SPAST: variants seen among roughly 807,000 people sequenced by gnomAD.
The protein encoded by SPAST is spastin.
In SPAST, 30 loss-of-function variants were observed where a neutral mutation model predicts 76.6. The observed-to-expected ratio is 0.39, with a 90% confidence interval of 0.29 to 0.53. The LOEUF (loss-of-function observed/expected upper bound fraction) is 0.53. SPAST is among the 20% of genes least tolerant of loss of function. The pLI is 0.68. For synonymous variants in SPAST, 305 were observed against 281.0 expected (o/e 1.09, Z -0.86); for missense variants, 717 against 770.5 (o/e 0.93, Z 0.82).
Position 32,136,635 on chromosome 2 carries a change from A to G in SPAST, c.1318A>G (p.Ile440Val). 1 of 1,609,872 alleles carries G rather than the reference A, an allele frequency of 6.2e-7. No individual in the cohort carries two copies. Among genetic ancestry groups the G allele is most frequent in the Non-Finnish European group, 8.5e-7 (1 of 1,176,324 alleles). ...AGAACTTCAACCTTCTATAATTTTT[A>G]TAGGTAAGAACATATTTTCCAACTA... ...ARELQPSIIF[I>V]DEVDSLLCER... Residue 440 changes from isoleucine to valine, a missense_variant, in exon 10 of 17, where the codon ATA becomes GTA. Transcript: ENST00000315285.
intron 3 of SPAST, among the ~76,000 whole-genome samples, chr2:32,097,054 A>G (rs1677942324): frequency 6.6e-6 from 1 of 152,238 alleles, no homozygotes; most frequent in Non-Finnish European, 1.5e-5. Flanking sequence ...TTTAGAAATG[A>G]AAGTTTAAGA....
chr2:32,121,778 AG>A (rs1679029120), intron 7 of SPAST, among the ~76,000 whole-genome samples: 1 of 152,050 alleles, frequency 6.6e-6, no homozygotes, highest in Admixed American at 6.5e-5. Context: ...TCCTGACCTC[AG>A]GTGATCCACC....
chr2:32,074,189 A>G (rs1417644311), intron 1 of SPAST, among the ~76,000 whole-genome samples: 4 of 152,352 alleles, frequency 2.6e-5, no homozygotes, highest in South Asian at 2.1e-4. Flanking sequence ...GAATAATTCT[A>G]TGAATAAATA....
At chr2:32,143,651 T>A (rs1286479243) in intron 14 of SPAST, among the ~76,000 whole-genome samples, 1 of 152,190 alleles carries the variant, frequency 6.6e-6, no homozygotes, top group Admixed American at 6.5e-5. Context: ...GATGATAGTA[T>A]ATTCTTTTTA....
At chr2:32,068,999 C>T (rs1676638562) in intron 1 of SPAST, among the ~76,000 whole-genome samples, 1 of 151,902 alleles carries the variant, frequency 6.6e-6, no homozygotes, top group Non-Finnish European at 1.5e-5. Context: ...CACTTGTAGT[C>T]AGAAGTTCGC....
At chr2:32,108,758 C>G (rs1261093078) in intron 4 of SPAST, among the ~76,000 whole-genome samples, 2 of 73,904 alleles carry the variant, frequency 2.7e-5, no homozygotes, top group African/African-American at 1.0e-4. Flanking sequence ...GCTGGTATAG[C>G]TTTTTTTTTT....
At chr2:32,081,701 T>G (rs1204359324) in intron 1 of SPAST, among the ~76,000 whole-genome samples, 1 of 146,404 alleles carries the variant, frequency 6.8e-6, no homozygotes, top group African/African-American at 2.5e-5. Flanking sequence ...GGAAAATTGC[T>G]TGAACCCGAG....
intron 9 of SPAST, among the ~76,000 whole-genome samples, chr2:32,134,752 G>A (rs1679481069): frequency 6.6e-6 from 1 of 152,202 alleles, no homozygotes; most frequent in Non-Finnish European, 1.5e-5. Context: ...CCGAAGTGCA[G>A]TTGTGCGATC....
At chr2:32,115,296 G>C (rs569226184) in intron 5 of SPAST, among the ~76,000 whole-genome samples, 1 of 151,680 alleles carries the variant, frequency 6.6e-6, no homozygotes, top group East Asian at 1.9e-4. Flanking sequence ...AACTTTTTTT[G>C]GACCTCATTA....
At position 32,137,129 on chromosome 2, in the gene SPAST, C is replaced by CA; in HGVS notation, c.1435dup (p.Arg479LysfsTer9). 6.2e-7 allele frequency: 1 copy of CA among 1,613,848 alleles called. No homozygotes were observed. Among genetic ancestry groups the CA allele is most frequent in the Non-Finnish European group, 8.5e-7 (1 of 1,179,804 alleles). On this transcript the variant is annotated frameshift_variant, in exon 12 of 17. Coordinates refer to ENST00000315285, the MANE Select transcript of SPAST (RefSeq NM_014946.4). LOFTEE classifies it high-confidence loss of function. ...TGTAGGTACAGTCTGCTGGAGATGA[C>CA]AGAGTACTTGTAATGGGTGCAACTA...
chr2:32,123,354 A>G (rs1394337599), intron 7 of SPAST, among the ~76,000 whole-genome samples: 1 of 152,198 alleles, frequency 6.6e-6, no homozygotes, highest in Non-Finnish European at 1.5e-5. Flanking sequence ...CTATATGAGA[A>G]GAATTATAGC....
chr2:32,134,068 T>C (rs1679456086), intron 9 of SPAST, among the ~76,000 whole-genome samples: 1 of 152,182 alleles, frequency 6.6e-6, no homozygotes, highest in Non-Finnish European at 1.5e-5. Flanking sequence ...ACAGGGTCTG[T>C]TCTGTCGCCC....
At position 32,141,887 on chromosome 2, in the gene SPAST, T is replaced by C; in HGVS notation, c.1494-17T>C. 1.2e-6 allele frequency: 2 copies of C among 1,602,308 alleles called. No individual in the cohort carries two copies. The highest frequency in any genetic ancestry group is 1.7e-6 in the Non-Finnish European group (2 of 1,171,594). The stretch of plus-strand genomic sequence containing the variant: ...TTCAAAATTATATTTCTAAAAGTGC[T>C]GGATTTTTTTTTTTAGGCGTTTCAT... On this transcript the variant is annotated splice_polypyrimidine_tract_variant and intron_variant, in intron 12 of 16. Coordinates refer to ENST00000315285, the MANE Select transcript of SPAST (RefSeq NM_014946.4).
chr2:32,085,466 C>G (rs1233137436), intron 1 of SPAST, among the ~76,000 whole-genome samples: 3 of 152,108 alleles, frequency 2.0e-5, no homozygotes, highest in African/African-American at 4.8e-5. Flanking sequence ...GTCCTCCTGC[C>G]TTGGCCTCCC....
chr2:32,065,646 C>T (rs138283540), intron 1 of SPAST, among the ~76,000 whole-genome samples: 56 of 152,306 alleles, frequency 3.7e-4, no homozygotes, highest in African/African-American at 1.3e-3. Flanking sequence ...CTTGCTTCTC[C>T]CTCTGCCAAA....
At chr2:32,119,994 A>G (rs1005671026) in intron 7 of SPAST, among the ~76,000 whole-genome samples, 7 of 148,600 alleles carry the variant, frequency 4.7e-5, no homozygotes, top group Non-Finnish European at 7.4e-5. Context: ...GCTCTTCTCT[A>G]TCTACTAAAA....
intron 4 of SPAST, among the ~76,000 whole-genome samples, chr2:32,106,622 T>C (rs892036700): frequency 6.6e-6 from 1 of 152,190 alleles, no homozygotes; most frequent in African/African-American, 2.4e-5. Flanking sequence ...ACAAAACTTC[T>C]AAGGTTTTAG....
At chr2:32,140,017 G>A (rs1039609844) in intron 12 of SPAST, among the ~76,000 whole-genome samples, 1 of 152,010 alleles carries the variant, frequency 6.6e-6, no homozygotes, top group Non-Finnish European at 1.5e-5. Context: ...TCGTTAAAAT[G>A]GGAAATTTAT....
intron 1 of SPAST, among the ~76,000 whole-genome samples, chr2:32,069,995 G>A (rs996073581): frequency 6.6e-5 from 10 of 150,446 alleles, no homozygotes; most frequent in African/African-American, 9.8e-5. Context: ...ATGAAATCTC[G>A]TGTAAATGTG....
Sources: gnomAD v4.1 joint callset for allele counts (sites outside exome capture counted in the v4.1 genomes callset) on GRCh38, gnomAD v4.1.1 for gene constraint, MANE v1.5 for transcripts, NCBI Gene and HGNC (gene_info 2026-07-23, HGNC 2026-07-21) for gene names.